RNPC3: variants seen among roughly 807,000 people sequenced by gnomAD.
RNPC3 encodes the protein RNA binding region (RNP1, RRM) containing 3.
RNPC3 carries 48 observed loss-of-function variants against 67.5 expected under a neutral mutation model. The observed-to-expected ratio is 0.71, with a 90% CI of 0.56 to 0.90. RNPC3 has a LOEUF of 0.90. Ranked by LOEUF, RNPC3 falls within the 40% of genes least tolerant of loss-of-function variation. RNPC3 has a pLI of 0.00. For synonymous variants in RNPC3, 239 were observed against 210.3 expected, an observed-to-expected ratio of 1.14 and a Z score of -1.18; for missense variants, 637 against 626.1, an observed-to-expected ratio of 1.02 and a Z score of -0.19.
chr1:103,543,145 T>G (rs558415440), intron 8 of RNPC3, 151 bp from the exon 9 acceptor site: 14 of 458,048 alleles, frequency 3.1e-5, no homozygotes, highest in African/African-American at 2.8e-4. Context: ...ATTAAACTAA[T>G]AAGTCTAAGT....
chr1:103,529,838 G>A (rs1650804589), intron 2 of RNPC3, among the ~76,000 whole-genome samples: 1 of 152,158 alleles, frequency 6.6e-6, no homozygotes, highest in African/African-American at 2.4e-5. Flanking sequence ...TAGAACCTGG[G>A]CCGCACAGCA....
intron 2 of RNPC3, among the ~76,000 whole-genome samples, chr1:103,530,157 T>G (rs750857312): frequency 6.6e-6 from 1 of 150,548 alleles, no homozygotes; most frequent in Non-Finnish European, 1.5e-5. Context: ...GTACCTACTA[T>G]GTGCTAGATG....
Position 103,543,946 on chromosome 1 carries a change from A to AT in RNPC3, c.1045+507dup, listed in dbSNP as rs566613342. On this transcript the variant is annotated intron_variant, in intron 9 of 14. Coordinates refer to ENST00000423855, the MANE Select transcript of RNPC3 (RefSeq NM_017619.4). Reference sequence around the variant, plus strand: ...TAAAACAAATGTATTGAAATTACAGATTTTTTTTACTTGTTTTAACCATGA... The same window carrying AT: ...TAAAACAAATGTATTGAAATTACAGATTTTTTTTTACTTGTTTTAACCATGA... 1.5e-4 allele frequency among the ~76,000 whole-genome samples: 23 copies of AT among 151,740 alleles called. No individual in the cohort carries two copies. The South Asian group carries it at 4.4e-3, about 29-fold the overall frequency.
intron 2 of RNPC3, among the ~76,000 whole-genome samples, chr1:103,528,666 C>G (rs1650772134): frequency 6.6e-6 from 1 of 151,944 alleles, no homozygotes; most frequent in Non-Finnish European, 1.5e-5. Context: ...CATTGGGCTA[C>G]TTTTATGGAA....
intron 12 of RNPC3, among the ~76,000 whole-genome samples, chr1:103,548,159 C>T (rs984893641): frequency 1.3e-5 from 2 of 152,148 alleles, no homozygotes; most frequent in African/African-American, 4.8e-5. Flanking sequence ...GCCATGAGAC[C>T]TCTAACATGC....
At chr1:103,550,242 T>C (rs1474369883) in intron 12 of RNPC3, among the ~76,000 whole-genome samples, 1 of 152,104 alleles carries the variant, frequency 6.6e-6, no homozygotes. Flanking sequence ...CCTTTCTATT[T>C]TTCCATTCTT....
chr1:103,525,889 C>G lies in RNPC3; in HGVS notation c.-182C>G, dbSNP rs1482508908. The G allele has an allele frequency of 1.7e-6, 1 of 589,990 alleles. No homozygotes were observed. Among genetic ancestry groups the G allele is most frequent in the Non-Finnish European group, 3.0e-6 (1 of 334,970 alleles). The allele number at this position is 589,990 out of a possible 1,614,324, so 36.5% of individuals were successfully genotyped here. A position where few individuals can be genotyped will look rare whatever the true frequency, so the allele number is the denominator to read the frequency against. ...ACCGCGCCCTTCCCCGAAGAGTCTT[C>G]GAAGGGTTGCCGCTTTTCGGTGGCG... On this transcript the variant is annotated 5_prime_UTR_variant, in exon 1 of 15. Transcript: ENST00000423855.
At chr1:103,531,663 A>C (rs777756541) in intron 2 of RNPC3, among the ~76,000 whole-genome samples, 1 of 151,944 alleles carries the variant, frequency 6.6e-6, no homozygotes, top group Non-Finnish European at 1.5e-5. Context: ...TTGTCTATTC[A>C]TGTCCTTAGC....
chr1:103,533,750 A>G lies in RNPC3; in HGVS notation c.252A>G (p.Arg84=). The change falls in exon 3 of 15, where the codon AGA becomes AGG. Residue 84 remains arginine (R), a synonymous_variant. Transcript: ENST00000423855. ...TCTTTTAACTGAAGGCATTGACAAG[A>G]CTCCATCAACTGAAACTTTTAGGTC... The part of the protein sequence containing the change: ...NEKAAIKALT[R]LHQLKLLGHT... The G allele has an allele frequency of 6.6e-7, 1 of 1,522,464 alleles. No homozygotes were observed. Among genetic ancestry groups the G allele is most frequent in the Non-Finnish European group, 8.8e-7 (1 of 1,134,840 alleles). The allele number at this position is 1,522,464 out of a possible 1,614,324, so 94.3% of individuals were successfully genotyped here.
intron 1 of RNPC3, among the ~76,000 whole-genome samples, chr1:103,526,734 AAG>A (rs1435460434): frequency 2.6e-5 from 4 of 152,230 alleles, no homozygotes; most frequent in East Asian, 1.9e-4. Context: ...CAACTAGAAA[AAG>A]AGGCTTTTCA....
At chr1:103,551,520 A>G (rs1224551626) in intron 13 of RNPC3, among the ~76,000 whole-genome samples, 2 of 152,256 alleles carry the variant, frequency 1.3e-5, no homozygotes, top group Non-Finnish European at 2.9e-5. Context: ...TAGGTAAAGA[A>G]GCAAAGGCCC....
chr1:103,553,723 T>A (rs1161663743), intron 14 of RNPC3: 1 of 152,170 alleles, frequency 6.6e-6, no homozygotes, highest in Admixed American at 6.5e-5. Flanking sequence ...AAAGGAAATG[T>A]TTTTCTTTTA....
intron 12 of RNPC3, among the ~76,000 whole-genome samples, chr1:103,549,319 A>G (rs1176902655): frequency 6.6e-6 from 1 of 152,222 alleles, no homozygotes; most frequent in African/African-American, 2.4e-5. Flanking sequence ...AAGTGACACC[A>G]ATACTTTACA....
chr1:103,536,124 A>G lies in RNPC3; in HGVS notation c.556-2A>G, dbSNP rs1368538688. 6.5e-7 allele frequency: 1 copy of G among 1,531,292 alleles called. No individual in the cohort carries two copies. The highest frequency in any genetic ancestry group is 1.2e-5 in the South Asian group (1 of 83,916). The allele number at this position is 1,531,292 out of a possible 1,614,324, so 94.9% of individuals were successfully genotyped here. A position where few individuals can be genotyped will look rare whatever the true frequency, so the allele number is the denominator to read the frequency against. On this transcript the variant is annotated splice_acceptor_variant, in intron 5 of 14. Transcript: ENST00000423855. LOFTEE classifies it high-confidence loss of function. ...TGAATTTAAATGTCTTACCACTTTA[A>G]GGTCCTTCATCTTATGAATAAAATG...
At chr1:103,531,630 A>G (rs1320062927) in intron 2 of RNPC3, among the ~76,000 whole-genome samples, 2 of 151,928 alleles carry the variant, frequency 1.3e-5, no homozygotes, top group Non-Finnish European at 2.9e-5. Context: ...TTTGTTGGCC[A>G]TTTGTGTATC....
intron 12 of RNPC3, among the ~76,000 whole-genome samples, chr1:103,548,973 T>G (rs1651314786): frequency 6.6e-6 from 1 of 152,140 alleles, no homozygotes; most frequent in Non-Finnish European, 1.5e-5. Flanking sequence ...GCCATTATTT[T>G]AAAACCATCA....
chr1:103,539,624 G>T (rs1427295932), intron 7 of RNPC3, among the ~76,000 whole-genome samples: 1 of 152,144 alleles, frequency 6.6e-6, no homozygotes, highest in African/African-American at 2.4e-5. Flanking sequence ...GAGGAATTCT[G>T]CCAGTAATTC....
intron 11 of RNPC3, chr1:103,546,546 A>C (rs952465300): frequency 1.0e-4 from 38 of 366,774 alleles, no homozygotes; most frequent in Non-Finnish European, 1.6e-4. Context: ...GGCAGTAAAT[A>C]CTGAGACAGA....
intron 10 of RNPC3, chr1:103,545,522 A>T (rs1262412326): frequency 1.3e-5 from 2 of 153,924 alleles, no homozygotes; most frequent in African/African-American, 4.8e-5. Context: ...TCCTAACATG[A>T]TAATTTTCTA....
Sources: gnomAD v4.1 joint callset for allele counts (sites outside exome capture counted in the v4.1 genomes callset) on GRCh38, gnomAD v4.1.1 for gene constraint, MANE v1.5 for transcripts, NCBI Gene and HGNC (gene_info 2026-07-23, HGNC 2026-07-21) for gene names.